The following EPN2 variants were observed in gnomAD, a reference collection of about 807,000 sequenced individuals.
EPN2 encodes epsin 2, also known as epsin-2.
Under a neutral mutation model 61.7 loss-of-function variants are expected in EPN2, and 34 were observed. The observed-to-expected ratio is 0.55, with a 90% confidence interval of 0.42 to 0.73. The LOEUF (loss-of-function observed/expected upper bound fraction) is 0.73. Among genes scored for constraint, EPN2 ranks in the 30% least tolerant of loss-of-function variants. EPN2 has a pLI of 0.00. For missense variants in EPN2, 714 were observed against 839.2 expected (o/e 0.85, Z 1.84); for synonymous variants, 349 against 353.6 (o/e 0.99, Z 0.15).
chr17:19,334,294 G>A lies in EPN2; in HGVS notation c.*40G>A. The A allele has an allele frequency of 2.2e-6, 3 of 1,385,270 alleles. 1 individual carries two copies. Among genetic ancestry groups the A allele is most frequent in the South Asian group, 1.9e-5 (1 of 53,900 alleles). The allele number at this position is 1,385,270 out of a possible 1,614,324, so 85.8% of individuals were successfully genotyped here. The stretch of plus-strand genomic sequence containing the variant: ...ACCCACCCAGAGCACCTGTGCTGGA[G>A]GATGCCGAGCAGGGACTCTCGTCTG... On this transcript the variant is annotated 3_prime_UTR_variant, in exon 11 of 11. Transcript: ENST00000314728. The surrounding 1 kb of genome is among the most constrained non-coding windows in gnomAD (Gnocchi z 4.9).
intron 1 of EPN2, among the ~76,000 whole-genome samples, chr17:19,273,550 G>A (rs899684690): frequency 6.6e-6 from 1 of 151,942 alleles, no homozygotes; most frequent in Non-Finnish European, 1.5e-5. Flanking sequence ...CATTTTTATA[G>A]ACAGGGTCTT....
intron 9 of EPN2, among the ~76,000 whole-genome samples, chr17:19,330,314 C>A (rs919786607): frequency 2.6e-5 from 4 of 152,070 alleles, no homozygotes; most frequent in Non-Finnish European, 5.9e-5. Flanking sequence ...TTTTTTCTTT[C>A]CTGTCTTGGC....
rs59041394 is a variant in EPN2, at chr17:19,304,205, G to A, written c.767-5680G>A. 4.1e-3 allele frequency among the ~76,000 whole-genome samples: 630 copies of A among 152,338 alleles called. 4 individuals carry two copies. Among genetic ancestry groups the A allele is most frequent in the African/African-American group, 0.014 (596 of 41,566 alleles). On this transcript the variant is annotated intron_variant, in intron 4 of 10. Coordinates refer to ENST00000314728, the MANE Select transcript of EPN2 (RefSeq NM_014964.5). Reference sequence around the variant, plus strand: ...CCTTCCCAGCATCTCCCTGCGAGGAGGTAAAGTAAGGGCCTTGGAGGCTCT... The same window carrying A: ...CCTTCCCAGCATCTCCCTGCGAGGAAGTAAAGTAAGGGCCTTGGAGGCTCT...
intron 4 of EPN2, among the ~76,000 whole-genome samples, chr17:19,291,787 G>T (rs2045468128): frequency 6.6e-6 from 1 of 152,134 alleles, no homozygotes; most frequent in South Asian, 2.1e-4. Flanking sequence ...AAGCTTTCTT[G>T]TGCGCTGTTT....
In EPN2 at chr17:19,283,061, C is replaced by T. The variant is rs2045372937; in HGVS notation, c.-59C>T. ...GAACCTTCATAGGGTGCGCACTTAC[C>T]AAGGACAGGAAGGTTTCTCTGTTTG... On this transcript the variant is annotated 5_prime_UTR_variant, in exon 3 of 11. Transcript: ENST00000314728. This position sits in a 1 kb window ranked among gnomAD's most constrained non-coding sequence, Gnocchi z 7.0. 2.3e-6 allele frequency: 3 copies of T among 1,322,552 alleles called. No homozygotes were observed. The highest frequency in any genetic ancestry group is 2.1e-6 in the Non-Finnish European group (2 of 949,596). The allele number at this position is 1,322,552 out of a possible 1,614,324, so 81.9% of individuals were successfully genotyped here. A position where few individuals can be genotyped will look rare whatever the true frequency, so the allele number is the denominator to read the frequency against.
intron 10 of EPN2, among the ~76,000 whole-genome samples, chr17:19,333,497 C>A (rs1907254750): frequency 6.6e-6 from 1 of 152,226 alleles, no homozygotes; most frequent in Non-Finnish European, 1.5e-5. Flanking sequence ...GCATCAACTT[C>A]TTGACTGCAG....
intron 1 of EPN2, among the ~76,000 whole-genome samples, chr17:19,263,118 A>C (rs1396992194): frequency 6.6e-6 from 1 of 152,186 alleles, no homozygotes; most frequent in Non-Finnish European, 1.5e-5. Context: ...ATAGGCACCC[A>C]CTGTCACCAC....
chr17:19,265,987 G>A (rs1320823970), intron 1 of EPN2, among the ~76,000 whole-genome samples: 1 of 151,782 alleles, frequency 6.6e-6, no homozygotes, highest in East Asian at 1.9e-4. Context: ...CCATTCCCCC[G>A]CAGCTGGATT....
chr17:19,325,025 TAAA>T (rs895487108), intron 7 of EPN2, among the ~76,000 whole-genome samples: 1 of 152,020 alleles, frequency 6.6e-6, no homozygotes, highest in African/African-American at 2.4e-5. Context: ...TGGATAAAAT[TAAA>T]AAGGAAACAG....
chr17:19,294,407 G>A (rs2045495186), intron 4 of EPN2, among the ~76,000 whole-genome samples: 2 of 152,150 alleles, frequency 1.3e-5, no homozygotes, highest in Admixed American at 6.5e-5. Flanking sequence ...GTGACAAAGC[G>A]AGACCCTTTC....
intron 1 of EPN2, among the ~76,000 whole-genome samples, chr17:19,246,736 T>C (rs558059933): frequency 4.8e-5 from 7 of 146,768 alleles, no homozygotes; most frequent in East Asian, 4.2e-4. Flanking sequence ...GTTTTTTTTT[T>C]CCCCCCTGAA....
intron 4 of EPN2, among the ~76,000 whole-genome samples, chr17:19,299,696 A>T (rs549893943): frequency 3.3e-5 from 5 of 152,278 alleles, no homozygotes; most frequent in African/African-American, 1.2e-4. Context: ...CTGACTGAGG[A>T]TGGGATTTGA....
At chr17:19,244,787 C>G (rs2044926677) in intron 1 of EPN2, among the ~76,000 whole-genome samples, 1 of 152,064 alleles carries the variant, frequency 6.6e-6, no homozygotes, top group Non-Finnish European at 1.5e-5. Context: ...CCTGCAAGCC[C>G]TATCACCATT....
intron 1 of EPN2, among the ~76,000 whole-genome samples, chr17:19,268,807 G>A (rs975985801): frequency 6.6e-6 from 1 of 152,354 alleles, no homozygotes; most frequent in East Asian, 1.9e-4. Flanking sequence ...CAGTGGGTGA[G>A]TGTCAGCTAG....
At chr17:19,327,908 C>G (rs1267985025) in intron 7 of EPN2, among the ~76,000 whole-genome samples, 1 of 152,156 alleles carries the variant, frequency 6.6e-6, no homozygotes, top group Non-Finnish European at 1.5e-5. Context: ...TTGCAGTGCT[C>G]CGCGAGAAGG....
chr17:19,332,144 C>T (rs984384028), intron 10 of EPN2, 76 bp downstream of exon 10: 13 of 1,132,888 alleles, frequency 1.1e-5, no homozygotes, highest in African/African-American at 9.1e-5. Context: ...CTTGGGGGCT[C>T]TTCCCACTGT....
chr17:19,278,267 C>T (rs927908265), intron 1 of EPN2, among the ~76,000 whole-genome samples: 2 of 151,996 alleles, frequency 1.3e-5, no homozygotes, highest in African/African-American at 4.8e-5. Context: ...TGAGCCACCA[C>T]ACCTGGTCCT....
At position 19,287,794 on chromosome 17, in the gene EPN2, G is replaced by T. The variant is rs559647026; in HGVS notation, c.766+2004G>T. ...CATGAGAGCAGCCACAGCCGGGAAG[G>T]CCTCTTGTGTGACTGGCGATAATCA... On this transcript the variant is annotated intron_variant, in intron 4 of 10. Transcript: ENST00000314728. 1.1e-4 allele frequency among the ~76,000 whole-genome samples: 17 copies of T among 152,300 alleles called. No individual in the cohort carries two copies. The East Asian group carries it at 3.1e-3, about 28-fold the overall frequency.
At chr17:19,312,741 G>A (rs1246522524) in intron 6 of EPN2, among the ~76,000 whole-genome samples, 3 of 152,220 alleles carry the variant, frequency 2.0e-5, no homozygotes, top group Admixed American at 1.3e-4. Context: ...GAGCATGCAG[G>A]TGCCCGAGGA....
Sources: allele counts gnomAD v4.1 joint callset (sites outside exome capture counted in the v4.1 genomes callset), GRCh38; gene constraint gnomAD v4.1.1; non-coding constraint Gnocchi (gnomAD v3.1); transcripts MANE v1.5; gene names NCBI Gene and HGNC (gene_info 2026-07-23, HGNC 2026-07-21).